Variants in NSUN7 observed in about 807,000 individuals in gnomAD.
The protein encoded by NSUN7 is NOP2/Sun RNA methyltransferase family member 7.
NSUN7 carries 39 observed loss-of-function variants against 58.5 expected under a neutral mutation model. The ratio of observed to expected loss-of-function variants is 0.67; its 90% CI spans 0.52 to 0.87. NSUN7 has a LOEUF of 0.87. Among genes scored for constraint, NSUN7 ranks in the 40% least tolerant of loss-of-function variants. NSUN7 has a pLI of 0.00. For synonymous variants in NSUN7, 278 were observed against 303.7 expected, an observed-to-expected ratio of 0.92 and a Z score of 0.88; for missense variants, 765 against 844.1, an observed-to-expected ratio of 0.91 and a Z score of 1.16.
chr4:40,764,960 A>G (rs1741644531), intron 4 of NSUN7, among the ~76,000 whole-genome samples: 1 of 150,000 alleles, frequency 6.7e-6, no homozygotes, highest in East Asian at 2.0e-4. Flanking sequence ...GTTTGAGTTC[A>G]TTGTAGATTC....
intron 2 of NSUN7, among the ~76,000 whole-genome samples, chr4:40,756,576 T>C (rs987457650): frequency 7.9e-5 from 12 of 152,230 alleles, no homozygotes; most frequent in Admixed American, 2.6e-4. Context: ...CAGCATAATG[T>C]TGTGAAGTGC....
chr4:40,784,808 A>G (rs746738501), intron 7 of NSUN7, among the ~76,000 whole-genome samples: 33 of 152,248 alleles, frequency 2.2e-4, no homozygotes, highest in Non-Finnish European at 4.4e-4. Context: ...CAATTTGTCA[A>G]TTTATCTTAG....
At position 40,802,340 on chromosome 4, in the gene NSUN7, T is replaced by A. The variant is rs75973644; in HGVS notation, c.1400+3436T>A. On this transcript the variant is annotated intron_variant, in intron 10 of 11. Coordinates refer to ENST00000381782, the MANE Select transcript of NSUN7 (RefSeq NM_024677.6). ...GTGGGTTTCTTCTCAAATTTTATAT[T>A]TTTTTTTGTTACATAAACCCCACCC... Among the ~76,000 whole-genome samples the A allele has an allele frequency of 9.8e-3, 794 of 80,996 alleles. 3 individuals carry two copies. The highest frequency in any genetic ancestry group is 0.026 in the East Asian group (107 of 4,142). 53.1% of individuals were successfully genotyped at this position (80,996 alleles called of 152,430 possible).
At chr4:40,752,918 A>T (rs966183112) in intron 2 of NSUN7, among the ~76,000 whole-genome samples, 3 of 53,964 alleles carry the variant, frequency 5.6e-5, no homozygotes, top group African/African-American at 2.9e-4. Context: ...AATCTCTGAG[A>T]TTTTATTTCA....
At chr4:40,765,118 C>T (rs1174895944) in intron 4 of NSUN7, among the ~76,000 whole-genome samples, 1 of 138,864 alleles carries the variant, frequency 7.2e-6, no homozygotes, top group Non-Finnish European at 1.6e-5. Flanking sequence ...GCTTTTGTTG[C>T]CATTGCTTTT....
intron 8 of NSUN7, among the ~76,000 whole-genome samples, chr4:40,792,670 G>C (rs1157132182): frequency 1.6e-4 from 24 of 152,086 alleles, no homozygotes; most frequent in Admixed American, 1.6e-3. Flanking sequence ...AGAATGGCTT[G>C]AACCCCGGGG....
intron 2 of NSUN7, among the ~76,000 whole-genome samples, chr4:40,757,630 CATTGTGTGTATATATAT>C (rs1560544942): frequency 7.2e-6 from 1 of 139,774 alleles, no homozygotes; most frequent in Non-Finnish European, 1.5e-5. Context: ...TATATATATA[CATTGTGTGTATATATAT>C]ACATTGTGTA....
chr4:40,800,435 G>C (rs954172974), intron 10 of NSUN7, among the ~76,000 whole-genome samples: 14 of 152,124 alleles, frequency 9.2e-5, no homozygotes, highest in African/African-American at 3.4e-4. Context: ...CACCTCCTGG[G>C]TTCAAGCAGT....
intron 2 of NSUN7, among the ~76,000 whole-genome samples, chr4:40,751,754 G>A (rs6821089): frequency 0.26 from 40,020 of 151,894 alleles, 5,527 homozygotes; most frequent in Middle Eastern, 0.35. Flanking sequence ...AGCACTTTTC[G>A]AAGCCAAGGT....
intron 9 of NSUN7, among the ~76,000 whole-genome samples, chr4:40,795,545 T>C (rs927999584): frequency 1.3e-5 from 2 of 152,218 alleles, no homozygotes; most frequent in Admixed American, 6.5e-5. Flanking sequence ...AAAGGGATTT[T>C]AATGACATAA....
At chr4:40,794,905 C>A (rs189820873) in intron 9 of NSUN7, among the ~76,000 whole-genome samples, 1 of 152,144 alleles carries the variant, frequency 6.6e-6, no homozygotes, top group African/African-American at 2.4e-5. Flanking sequence ...GAGGTGCAAT[C>A]GCAGAGAAAG....
intron 7 of NSUN7, among the ~76,000 whole-genome samples, chr4:40,787,879 G>A (rs1019402749): frequency 2.6e-5 from 4 of 152,082 alleles, no homozygotes; most frequent in Non-Finnish European, 5.9e-5. Flanking sequence ...TCGCCCAGAC[G>A]ACTAGAGTGC....
rs1266611473 is a variant in NSUN7, at chr4:40,810,100, A to G, written c.*1161A>G. 2 of 152,230 alleles carry G rather than the reference A, an allele frequency of 1.3e-5. No individual in the cohort carries two copies. Among genetic ancestry groups the G allele is most frequent in the Non-Finnish European group, 1.5e-5 (1 of 68,034 alleles). The allele number at this position is 152,230 out of a possible 1,614,324, so 9.4% of individuals were successfully genotyped here. A position where few individuals can be genotyped will look rare whatever the true frequency, so the allele number is the denominator to read the frequency against. On this transcript the variant is annotated 3_prime_UTR_variant, in exon 12 of 12. Transcript: ENST00000381782. ...TGTTACATAAATTCCTAAATGCTCA[A>G]TTCAGGTGGCATGATTTTTAGAATA...
At chr4:40,763,313 G>A (rs916115528) in intron 4 of NSUN7, among the ~76,000 whole-genome samples, 8 of 152,164 alleles carry the variant, frequency 5.3e-5, no homozygotes, top group Non-Finnish European at 1.0e-4. Context: ...AGGATCTTGC[G>A]CCTGTTTACT....
chr4:40,777,591 C>T (rs530264932), intron 7 of NSUN7, among the ~76,000 whole-genome samples: 3 of 152,336 alleles, frequency 2.0e-5, no homozygotes, highest in East Asian at 1.9e-4. Flanking sequence ...GCTAGGATTA[C>T]AGGCGTGAGC....
At chr4:40,785,892 C>T (rs554492055) in intron 7 of NSUN7, among the ~76,000 whole-genome samples, 9 of 152,334 alleles carry the variant, frequency 5.9e-5, no homozygotes, top group East Asian at 3.9e-4. Context: ...TCAAAGCTGG[C>T]GCGCGGCGCC....
rs1743998506 is a variant in NSUN7 at position 40,808,650 on chromosome 4, G to C, written c.1868G>C (p.Cys623Ser). The C allele has an allele frequency of 1.9e-6, 3 of 1,551,714 alleles. No individual in the cohort carries two copies. The highest frequency in any genetic ancestry group is 1.4e-5 in the African/African-American group (1 of 72,922). The change falls in exon 12 of 12, where the codon TGT becomes TCT. Residue 623 changes from cysteine (C) to serine (S), a missense_variant. Cys to Ser is a moderately radical substitution (Grantham distance 112). Transcript: ENST00000381782. The part of the protein sequence containing the change: ...PAVPAFVKNT[C>S]PSRPRERQTH... ...GTGCCTGCATTTGTGAAGAACACTT[G>C]TCCCTCCAGACCGCGTGAACGGCAG...
rs532687520 is a variant in NSUN7, at chr4:40,809,193, G to A, written c.*254G>A. The stretch of plus-strand genomic sequence containing the variant: ...ATCCAGTTAGAGACTCAGTATCAGC[G>A]GTCAGAACTTATCTCACTCCTGTGA... On this transcript the variant is annotated 3_prime_UTR_variant, in exon 12 of 12. Coordinates refer to ENST00000381782, the MANE Select transcript of NSUN7 (RefSeq NM_024677.6). 1.9e-5 allele frequency: 7 copies of A among 369,598 alleles called. No homozygotes were observed. The highest frequency in any genetic ancestry group is 6.9e-5 in the South Asian group (1 of 14,438). The allele number at this position is 369,598 out of a possible 1,614,324, so 22.9% of individuals were successfully genotyped here. A position where few individuals can be genotyped will look rare whatever the true frequency, so the allele number is the denominator to read the frequency against.
intron 11 of NSUN7, 120 bp downstream of exon 11, chr4:40,807,304 A>G (rs1367464052): frequency 2.2e-6 from 2 of 896,644 alleles, no homozygotes; most frequent in African/African-American, 3.5e-5. Flanking sequence ...TCACAAACAC[A>G]TTTCAGCTGA....
Sources: allele counts gnomAD v4.1 joint callset (sites outside exome capture counted in the v4.1 genomes callset), GRCh38; gene constraint gnomAD v4.1.1; transcripts MANE v1.5; gene names NCBI Gene and HGNC (gene_info 2026-07-23, HGNC 2026-07-21).